CDCP2: variants seen among roughly 807,000 people sequenced by gnomAD.
CDCP2 encodes CUB domain containing protein 2.
Under a neutral mutation model 31.0 loss-of-function variants are expected in CDCP2, and 31 were observed. That is an observed-to-expected ratio of 1.00 (90% CI 0.75 to 1.35). The LOEUF (loss-of-function observed/expected upper bound fraction) is 1.35. Among genes scored for constraint, CDCP2 ranks in the 40% most tolerant of loss-of-function variants. CDCP2 has a pLI of 0.00. For missense variants in CDCP2, 443 were observed against 482.6 expected (o/e 0.92, Z 0.77); for synonymous variants, 206 against 207.9 (o/e 0.99, Z 0.08).
chr1:54,141,040 G>A (rs1557706772), intron 3 of CDCP2, 58 bp downstream of exon 3: 2 of 1,418,156 alleles, frequency 1.4e-6, no homozygotes, highest in Non-Finnish European at 1.9e-6. Flanking sequence ...AGTGTAATGG[G>A]GAGACAGGAG....
At chr1:54,146,436 T>A (rs1016238380) in intron 1 of CDCP2, among the ~76,000 whole-genome samples, 1 of 151,874 alleles carries the variant, frequency 6.6e-6, no homozygotes, top group Non-Finnish European at 1.5e-5. Context: ...TGCCTTGGCC[T>A]CCCGAAGTGC....
chr1:54,151,174 C>T (rs990661006), intron 1 of CDCP2, among the ~76,000 whole-genome samples: 1 of 152,140 alleles, frequency 6.6e-6, no homozygotes, highest in South Asian at 2.1e-4. Context: ...TAGACAAAGG[C>T]CCAGACGCAC....
At chr1:54,134,746 T>A (rs935904391) in intron 5 of CDCP2, among the ~76,000 whole-genome samples, 19 of 78,190 alleles carry the variant, frequency 2.4e-4, no homozygotes, top group African/African-American at 7.2e-4. Context: ...TGTTTTGTTT[T>A]GTTTTTTGAG....
chr1:54,144,884 C>T, intron 1 of CDCP2, 71 bp from the exon 2 acceptor site: 2 of 1,213,032 alleles, frequency 1.6e-6, no homozygotes. Flanking sequence ...GGGCAGTGGG[C>T]CCAGCTACAA....
At chr1:54,148,857 C>T (rs1432655225) in intron 1 of CDCP2, among the ~76,000 whole-genome samples, 1 of 150,822 alleles carries the variant, frequency 6.6e-6, no homozygotes, top group East Asian at 1.9e-4. Context: ...ATAGTGAGAC[C>T]CTGTCTCTGC....
chr1:54,137,077 C>T (rs1659270331), intron 4 of CDCP2, among the ~76,000 whole-genome samples: 1 of 152,164 alleles, frequency 6.6e-6, no homozygotes. Context: ...CTTGGCAGGC[C>T]CAGTGAATGC....
chr1:54,132,951 G>C (rs1659190309), downstream of CDCP2: 2 of 398,780 alleles, frequency 5.0e-6, no homozygotes, highest in East Asian at 7.1e-5. Flanking sequence ...CAGATGCCAG[G>C]TCCCTATGCT....
intron 3 of CDCP2, 91 bp downstream of exon 3, chr1:54,141,007 G>C: frequency 1.8e-6 from 2 of 1,100,990 alleles, no homozygotes; most frequent in Admixed American, 6.1e-5. Context: ...GGCTGCGGGG[G>C]GCAGAAAGGT....
chr1:54,147,075 C>CAA (rs71066904), intron 1 of CDCP2, among the ~76,000 whole-genome samples: 5 of 56,872 alleles, frequency 8.8e-5, no homozygotes, highest in African/African-American at 3.6e-4. Flanking sequence ...GACTCCATCT[C>CAA]AAAAAAAAAA....
At chr1:54,152,936 G>A, upstream of CDCP2, 1 of 1,613,650 alleles carries the variant, frequency 6.2e-7, no homozygotes, top group Non-Finnish European at 8.5e-7. Context: ...CTCACCAGGG[G>A]CCCCCACAGG....
At chr1:54,134,388 CA>C (rs1659221489) in intron 5 of CDCP2, among the ~76,000 whole-genome samples, 1 of 152,242 alleles carries the variant, frequency 6.6e-6, no homozygotes, top group Admixed American at 6.5e-5. Flanking sequence ...CTCCCCACCT[CA>C]GATGAAGGAG....
At chr1:54,140,224 T>C in intron 3 of CDCP2, 118 bp from the exon 4 acceptor site, 1 of 825,478 alleles carries the variant, frequency 1.2e-6, no homozygotes, top group Non-Finnish European at 2.0e-6. Flanking sequence ...CAGCAGGTTG[T>C]GGGCACCATG....
chr1:54,133,847 G>T (rs1387026226), intron 5 of CDCP2, among the ~76,000 whole-genome samples: 1 of 151,604 alleles, frequency 6.6e-6, no homozygotes, highest in Non-Finnish European at 1.5e-5. Context: ...AGTGAGCTGA[G>T]ATCGAGCCAC....
chr1:54,135,833 G>A lies in CDCP2; in HGVS notation c.1296+797C>T, dbSNP rs1269635214. 5.3e-5 allele frequency among the ~76,000 whole-genome samples: 8 copies of A among 152,182 alleles called. No individual in the cohort carries two copies. In the East Asian group the frequency reaches 1.3e-3, roughly 26 times the overall value. On this transcript the variant is annotated intron_variant, in intron 5 of 5. Coordinates refer to ENST00000530059, the Ensembl canonical transcript of CDCP2. ...ATGTGGCTAATGTTGGGAGGCGGGG[G>A]AGGGTTTGCTGGAAAGCACATAATT...
In CDCP2 at chr1:54,144,646, A is replaced by G; in HGVS notation, c.247T>C (p.Cys83Arg). Reference sequence around the variant, plus strand: ...TAGATCTCCAGAAAGTCGAAGCTGCAGGTGTCGTGGTACTCTAGGTCAAAG... The same window carrying G: ...TAGATCTCCAGAAAGTCGAAGCTGCGGGTGTCGTGGTACTCTAGGTCAAAG... Residue 83 changes from cysteine (C) to arginine (R), a missense_variant, in exon 2 of 6, where the codon TGC becomes CGC. Cys to Arg is a radical substitution (Grantham distance 180, BLOSUM62 -3). Coordinates refer to ENST00000530059, the Ensembl canonical transcript of CDCP2. 6.2e-7 allele frequency: 1 copy of G among 1,613,026 alleles called. No homozygotes were observed. The highest frequency in any genetic ancestry group is 1.1e-5 in the South Asian group (1 of 91,036).
At chr1:54,136,492 A>G (rs2100418968) in intron 5 of CDCP2, 138 bp downstream of exon 5, 1 of 397,920 alleles carries the variant, frequency 2.5e-6, no homozygotes, top group Middle Eastern at 6.3e-4. Flanking sequence ...AGGTAAGTAA[A>G]GCCAAGAAGG....
At chr1:54,133,253 G>A (rs1364543603) in exon 6 of CDCP2, 2 of 399,138 alleles carry the variant, frequency 5.0e-6, no homozygotes, top group East Asian at 3.6e-5. Flanking sequence ...CTGAGAAGTC[G>A]ATGTACAGCA....
chr1:54,140,230 C>T (rs771936745), intron 3 of CDCP2, 124 bp from the exon 4 acceptor site: 12 of 779,796 alleles, frequency 1.5e-5, no homozygotes, highest in Non-Finnish European at 2.6e-5. Context: ...GTTGTGGGCA[C>T]CATGGCTAGC....
At chr1:54,141,334 C>T (rs370017590) in exon 3 of CDCP2, 23 of 1,613,956 alleles carry the variant, frequency 1.4e-5, no homozygotes, top group African/African-American at 1.2e-4. Context: ...GCCAGCGGCC[C>T]GGATCACCCA....
Sources: gnomAD v4.1 joint callset for allele counts (sites outside exome capture counted in the v4.1 genomes callset) on GRCh38, gnomAD v4.1.1 for gene constraint, MANE v1.5 for transcripts, NCBI Gene and HGNC (gene_info 2026-07-23, HGNC 2026-07-21) for gene names.